Variants in PPARG observed in about 807,000 individuals in gnomAD.
PPARG encodes the protein peroxisome proliferator activated receptor gamma.
A neutral mutation model predicts 39.2 loss-of-function variants in PPARG; 17 were observed. The ratio of observed to expected loss-of-function variants is 0.43; its 90% CI spans 0.30 to 0.65. PPARG has a LOEUF of 0.65. PPARG is among the 30% of genes least tolerant of loss of function. PPARG has a pLI of 0.13. For synonymous variants in PPARG, 223 were observed against 215.7 expected (o/e 1.03, Z -0.30); for missense variants, 406 against 585.9 (o/e 0.69, Z 3.17).
intron 1 of PPARG, among the ~76,000 whole-genome samples, chr3:12,308,343 C>CAAAAAAAAAAA (rs57225468): frequency 2.7e-5 from 1 of 37,286 alleles, no homozygotes; most frequent in East Asian, 1.2e-3. Flanking sequence ...GACCCTGTCT[C>CAAAAAAAAAAA]AAAAAAAAAA....
chr3:12,357,046 G>T (rs1403810639), intron 2 of PPARG, among the ~76,000 whole-genome samples: 1 of 152,010 alleles, frequency 6.6e-6, no homozygotes. Flanking sequence ...ACTGCCTTCA[G>T]CCCAGTCCAG....
At chr3:12,431,660 C>G (rs1367492669) in intron 7 of PPARG, among the ~76,000 whole-genome samples, 3 of 152,048 alleles carry the variant, frequency 2.0e-5, no homozygotes, top group African/African-American at 7.2e-5. Flanking sequence ...GCTCTAAGAG[C>G]TGGGCATGGT....
intron 1 of PPARG, among the ~76,000 whole-genome samples, chr3:12,307,798 C>T (rs945457257): frequency 2.0e-5 from 3 of 152,034 alleles, no homozygotes; most frequent in Non-Finnish European, 4.4e-5. Context: ...TTGAAAGACC[C>T]CGGTAAAGAA....
intron 2 of PPARG, among the ~76,000 whole-genome samples, chr3:12,315,567 C>T (rs762534195): frequency 1.8e-4 from 28 of 152,152 alleles, no homozygotes; most frequent in Admixed American, 1.4e-3. Context: ...ATTAGATTTT[C>T]GCTAATTTAT....
In PPARG at chr3:12,429,970, C is replaced by G. The variant is rs188675206; in HGVS notation, c.1181-3928C>G. ...ATCTAAAAAGAAAATTATACTTACT[C>G]TGGTCAATGGGATATGTTGGAGACC... On this transcript the variant is annotated intron_variant, in intron 7 of 7. Coordinates refer to ENST00000651735, the MANE Select transcript of PPARG (RefSeq NM_138711.6). Among the ~76,000 whole-genome samples the G allele has an allele frequency of 3.6e-3, 548 of 152,318 alleles. 3 individuals carry two copies. Among genetic ancestry groups the G allele is most frequent in the African/African-American group, 0.012 (516 of 41,576 alleles).
intron 2 of PPARG, among the ~76,000 whole-genome samples, chr3:12,335,472 G>A (rs1272440943): frequency 6.6e-6 from 1 of 152,174 alleles, no homozygotes; most frequent in South Asian, 2.1e-4. Flanking sequence ...TGTGGTTCCT[G>A]TGTGGTGAAT....
At chr3:12,299,124 G>A (rs2046864586) in intron 1 of PPARG, among the ~76,000 whole-genome samples, 1 of 152,112 alleles carries the variant, frequency 6.6e-6, no homozygotes, top group African/African-American at 2.4e-5. Context: ...TGTGAGCCAC[G>A]CGCCCAGCCT....
intron 4 of PPARG, among the ~76,000 whole-genome samples, chr3:12,388,069 A>G (rs953954457): frequency 1.3e-5 from 2 of 152,204 alleles, no homozygotes; most frequent in African/African-American, 4.8e-5. Context: ...AAGGAATATC[A>G]TAAAATATCT....
At chr3:12,367,467 A>T (rs2049053703) in intron 2 of PPARG, among the ~76,000 whole-genome samples, 1 of 152,116 alleles carries the variant, frequency 6.6e-6, no homozygotes, top group African/African-American at 2.4e-5. Context: ...ATAATCCTGT[A>T]ATCTTTTCTG....
At chr3:12,392,327 G>A (rs1221923758) in intron 4 of PPARG, among the ~76,000 whole-genome samples, 2 of 152,164 alleles carry the variant, frequency 1.3e-5, no homozygotes, top group East Asian at 3.8e-4. Context: ...ACTTCTTAGA[G>A]CATGCCGAAA....
intron 7 of PPARG, among the ~76,000 whole-genome samples, chr3:12,433,169 C>T (rs2051718618): frequency 6.6e-6 from 1 of 152,002 alleles, no homozygotes; most frequent in Non-Finnish European, 1.5e-5. Flanking sequence ...GTGAAAAAAG[C>T]ATATTTGAAG....
chr3:12,312,659 A>G (rs1288493933), intron 2 of PPARG, among the ~76,000 whole-genome samples: 5 of 152,352 alleles, frequency 3.3e-5, no homozygotes, highest in Middle Eastern at 3.4e-3. Flanking sequence ...AAGATAGGAA[A>G]ATGACCTAGA....
chr3:12,409,627 G>A (rs76818696), intron 6 of PPARG, among the ~76,000 whole-genome samples: 21,251 of 87,978 alleles, frequency 0.24, 1,650 homozygotes, highest in Admixed American at 0.35. Context: ...AAGTGGCTAT[G>A]GCTGTGCAGC....
At chr3:12,421,720 A>G (rs1326256946) in intron 7 of PPARG, among the ~76,000 whole-genome samples, 1 of 152,196 alleles carries the variant, frequency 6.6e-6, no homozygotes, top group Admixed American at 6.5e-5. Context: ...TCGCCGTCCT[A>G]ATGACAGAGA....
At chr3:12,305,755 A>T (rs2047045362) in intron 1 of PPARG, 1 of 152,222 alleles carries the variant, frequency 6.6e-6, no homozygotes. Context: ...TTAGACTAAC[A>T]TTACTCATTA....
chr3:12,381,936 A>G (rs2049682453), intron 4 of PPARG, among the ~76,000 whole-genome samples: 1 of 152,000 alleles, frequency 6.6e-6, no homozygotes, highest in Non-Finnish European at 1.5e-5. Flanking sequence ...TTATTTATTT[A>G]TTTATTTTGC....
chr3:12,313,925 A>C (rs865848102), intron 2 of PPARG, among the ~76,000 whole-genome samples: 5 of 152,174 alleles, frequency 3.3e-5, no homozygotes, highest in Middle Eastern at 3.2e-3. Context: ...GGAAATAGAA[A>C]ATTGTTGTCA....
At chr3:12,378,342 C>G (rs1680626117) in intron 2 of PPARG, among the ~76,000 whole-genome samples, 1 of 152,140 alleles carries the variant, frequency 6.6e-6, no homozygotes, top group South Asian at 2.1e-4. Context: ...GCATTATTCG[C>G]AATAGCCAAG....
chr3:12,392,773 A>G (rs4135334), intron 5 of PPARG, 21 bp downstream of exon 5: 4 of 1,613,268 alleles, frequency 2.5e-6, no homozygotes, highest in Admixed American at 1.7e-5. Context: ...AGTCATCACC[A>G]TATACTTTAT....
Sources: allele counts gnomAD v4.1 joint callset (sites outside exome capture counted in the v4.1 genomes callset), GRCh38; gene constraint gnomAD v4.1.1; transcripts MANE v1.5; gene names NCBI Gene and HGNC (gene_info 2026-07-23, HGNC 2026-07-21).